Variants in FAM107B observed in about 807,000 individuals in gnomAD.
The protein encoded by FAM107B is family with sequence similarity 107 member B.
FAM107B carries 21 observed loss-of-function variants against 31.5 expected under a neutral mutation model. That is an observed-to-expected ratio of 0.67 (90% CI 0.47 to 0.96). FAM107B has a LOEUF of 0.96. FAM107B is among the 40% of genes least tolerant of loss of function. The pLI is 0.00. For missense variants in FAM107B, 452 were observed against 377.1 expected (o/e 1.20, Z -1.64); for synonymous variants, 157 against 141.5 (o/e 1.11, Z -0.78).
intron 2 of FAM107B, among the ~76,000 whole-genome samples, chr10:14,636,997 A>G (rs573250455): frequency 6.6e-5 from 10 of 152,146 alleles, no homozygotes; most frequent in Admixed American, 2.0e-4. Flanking sequence ...TCATTTTTCA[A>G]CTTAGGAAGT....
chr10:14,740,803 T>C (rs2131572871), intron 1 of FAM107B, among the ~76,000 whole-genome samples: 1 of 152,310 alleles, frequency 6.6e-6, no homozygotes, highest in African/African-American at 2.4e-5. Context: ...TAAAATGAGC[T>C]AGACAGAGTC....
At chr10:14,772,171 G>A (rs1410555181) in intron 1 of FAM107B, among the ~76,000 whole-genome samples, 6 of 151,942 alleles carry the variant, frequency 3.9e-5, no homozygotes, top group Non-Finnish European at 1.5e-5. Context: ...TGGCTAACAC[G>A]GTGAAATCCC....
At chr10:14,605,487 AAGAC>A (rs1397746532) in intron 2 of FAM107B, among the ~76,000 whole-genome samples, 1 of 152,230 alleles carries the variant, frequency 6.6e-6, no homozygotes, top group African/African-American at 2.4e-5. Context: ...TTTTCTGACT[AAGAC>A]AGTTTGGGTC....
At chr10:14,560,957 G>A (rs937936499) in intron 2 of FAM107B, among the ~76,000 whole-genome samples, 6 of 152,186 alleles carry the variant, frequency 3.9e-5, no homozygotes, top group African/African-American at 1.4e-4. Flanking sequence ...CCAACTGTGT[G>A]GCCATCCCGT....
chr10:14,590,989 C>CA (rs35000609), intron 2 of FAM107B, among the ~76,000 whole-genome samples: 1,765 of 66,876 alleles, frequency 0.026, 25 homozygotes, highest in Non-Finnish European at 0.036. Context: ...AACTCCATCT[C>CA]AAAAAAAAAA....
chr10:14,655,762 C>A (rs970708952), intron 2 of FAM107B, among the ~76,000 whole-genome samples: 1 of 152,190 alleles, frequency 6.6e-6, no homozygotes, highest in Admixed American at 6.5e-5. Context: ...GCTGGCTACT[C>A]CTGTAGGGAC....
chr10:14,774,375 T>A lies in FAM107B; in HGVS notation c.289A>T (p.Thr97Ser). Residue 97 changes from threonine (T) to serine (S), a missense_variant, in exon 1 of 5, where the codon ACT (threonine) becomes TCT (serine). Transcript: ENST00000181796. ...GSANRNSSHR[T>S]AAQPAETPED... is the part of the protein sequence containing the mutation. ...GGCGTCTCCGCGGGCTGGGCCGCAG[T>A]GCGGTGACTTGAATTCCGATTCGCA... The A allele has an allele frequency of 6.2e-7, 1 of 1,614,188 alleles. No homozygotes were observed. Among genetic ancestry groups the A allele is most frequent in the African/African-American group, 1.3e-5 (1 of 75,044 alleles).
At chr10:14,649,352 T>G (rs998691602) in intron 2 of FAM107B, among the ~76,000 whole-genome samples, 6 of 152,232 alleles carry the variant, frequency 3.9e-5, no homozygotes, top group Non-Finnish European at 7.3e-5. Flanking sequence ...AACCTATGTT[T>G]TATAGAGAAT....
chr10:14,722,881 C>G (rs1163199139), intron 1 of FAM107B, among the ~76,000 whole-genome samples: 5 of 152,044 alleles, frequency 3.3e-5, no homozygotes, highest in Admixed American at 6.6e-5. Flanking sequence ...ATCTCAGAAA[C>G]CATTGCCTAA....
intron 2 of FAM107B, among the ~76,000 whole-genome samples, chr10:14,648,125 T>C (rs918504860): frequency 1.3e-5 from 2 of 152,224 alleles, no homozygotes; most frequent in African/African-American, 4.8e-5. Flanking sequence ...TTCGGTATTT[T>C]CCATTTCTGG....
At chr10:14,548,643 C>T in intron 2 of FAM107B, 1 of 985,432 alleles carries the variant, frequency 1.0e-6, no homozygotes, top group Non-Finnish European at 1.2e-6. Flanking sequence ...GCTGCGAAGG[C>T]AGGCACTCCC....
intron 2 of FAM107B, among the ~76,000 whole-genome samples, chr10:14,644,240 A>C (rs1853699757): frequency 6.6e-6 from 1 of 152,260 alleles, no homozygotes; most frequent in Non-Finnish European, 1.5e-5. Context: ...ACTATATTCC[A>C]GGCACTCTTC....
In FAM107B at chr10:14,741,165, G is replaced by A. The variant is rs534106412; in HGVS notation, c.411+33088C>T. 4.7e-4 allele frequency among the ~76,000 whole-genome samples: 72 copies of A among 152,278 alleles called. 1 individual carries two copies. The Middle Eastern group carries it at 0.01, about 22-fold the overall frequency. ...ATCAGGGTACCAGGTGAGGGTTTGG[G>A]GGCAGGAACCTGGGCTACAGAAAGA... On this transcript the variant is annotated intron_variant, in intron 1 of 4. Coordinates refer to ENST00000181796, the MANE Select transcript of FAM107B (RefSeq NM_031453.4).
intron 2 of FAM107B, among the ~76,000 whole-genome samples, chr10:14,631,091 A>G (rs1419568153): frequency 6.6e-6 from 1 of 152,178 alleles, no homozygotes; most frequent in Admixed American, 6.5e-5. Flanking sequence ...TGTACTGATC[A>G]TTACAAAAAC....
At chr10:14,702,438 C>T (rs1855421852) in intron 1 of FAM107B, among the ~76,000 whole-genome samples, 1 of 152,210 alleles carries the variant, frequency 6.6e-6, no homozygotes, top group Admixed American at 6.5e-5. Flanking sequence ...ACTCCACCTC[C>T]TGAGTTCAAG....
At chr10:14,556,790 A>G (rs972981446) in intron 2 of FAM107B, among the ~76,000 whole-genome samples, 2 of 152,126 alleles carry the variant, frequency 1.3e-5, no homozygotes, top group African/African-American at 4.8e-5. Flanking sequence ...GTGCACTAAG[A>G]ATGGACTTTC....
intron 2 of FAM107B, among the ~76,000 whole-genome samples, chr10:14,649,347 A>G (rs895563083): frequency 1.3e-5 from 2 of 152,188 alleles, no homozygotes; most frequent in Non-Finnish European, 2.9e-5. Flanking sequence ...GGGAAAACCT[A>G]TGTTTTATAG....
In FAM107B at chr10:14,645,818, T is replaced by C. The variant is rs531839333; in HGVS notation, c.469+21816A>G. Among the ~76,000 whole-genome samples the C allele has an allele frequency of 2.0e-4, 30 of 152,374 alleles. 1 individual carries two copies. The South Asian group carries it at 6.2e-3, about 32-fold the overall frequency. On this transcript the variant is annotated intron_variant, in intron 2 of 4. Coordinates refer to ENST00000181796, the MANE Select transcript of FAM107B (RefSeq NM_031453.4). ...GTTATATGTCACTTTGGCTGACATA[T>C]GTCAAGTTCTTAACATTGATGAAAA...
chr10:14,628,110 T>TG (rs1421840313), intron 2 of FAM107B, among the ~76,000 whole-genome samples: 10 of 127,316 alleles, frequency 7.9e-5, no homozygotes, highest in African/African-American at 2.7e-4. Context: ...TTTGTTTTGC[T>TG]GGTTTTTTTT....
Sources: allele counts gnomAD v4.1 joint callset (sites outside exome capture counted in the v4.1 genomes callset), GRCh38; gene constraint gnomAD v4.1.1; transcripts MANE v1.5; gene names NCBI Gene and HGNC (gene_info 2026-07-23, HGNC 2026-07-21).